Variants in FBXL13 observed in about 807,000 individuals in gnomAD.
The protein encoded by FBXL13 is F-box and leucine-rich repeat protein 13.
A neutral mutation model predicts 83.6 loss-of-function variants in FBXL13; 67 were observed. That is an observed-to-expected ratio of 0.80 (90% CI 0.66 to 0.98). The LOEUF (loss-of-function observed/expected upper bound fraction) is 0.98. Ranked by LOEUF, FBXL13 falls within the 50% of genes least tolerant of loss-of-function variation. The pLI, the probability that FBXL13 is intolerant of heterozygous loss-of-function variation, is 0.00. For missense variants in FBXL13, 822 were observed against 866.5 expected (o/e 0.95, Z 0.64); for synonymous variants, 272 against 299.5 (o/e 0.91, Z 0.95).
rs142816568 is a variant in FBXL13 at position 103,013,113 on chromosome 7, C to T, written c.495+11950G>A. ...GACCTATCTATCATAAATATCTATG[C>T]GCTCAACCCAGATTCATAAAGTCAG... On this transcript the variant is annotated intron_variant, in intron 6 of 19. Coordinates refer to ENST00000313221, the Ensembl canonical transcript of FBXL13. Among the ~76,000 whole-genome samples, 715 of 152,208 alleles carry T rather than the reference C, an allele frequency of 4.7e-3. 7 individuals are homozygous for T. The highest frequency in any genetic ancestry group is 0.016 in the African/African-American group (678 of 41,542).
At chr7:102,951,636 C>T (rs1019032740) in intron 8 of FBXL13, among the ~76,000 whole-genome samples, 8 of 151,128 alleles carry the variant, frequency 5.3e-5, no homozygotes, top group Non-Finnish European at 1.0e-4. Context: ...AGTCAGAGCC[C>T]GTCTCTACAA....
At chr7:102,974,595 T>A (rs73408279) in intron 6 of FBXL13, among the ~76,000 whole-genome samples, 34 of 152,258 alleles carry the variant, frequency 2.2e-4, no homozygotes, top group African/African-American at 8.2e-4. Context: ...ACTCCTTATG[T>A]CCAGCCCTGT....
At chr7:102,994,096 T>C (rs1312102911) in intron 6 of FBXL13, among the ~76,000 whole-genome samples, 1 of 152,216 alleles carries the variant, frequency 6.6e-6, no homozygotes, top group Non-Finnish European at 1.5e-5. Flanking sequence ...GCAAATCTAT[T>C]ATACATTAAT....
intron 10 of FBXL13, among the ~76,000 whole-genome samples, chr7:102,924,635 GCTTTT>G (rs1303983872): frequency 7.2e-6 from 1 of 138,978 alleles, no homozygotes; most frequent in Non-Finnish European, 1.6e-5. Context: ...TTCTGTGTAA[GCTTTT>G]CTTTTTTTTT....
intron 6 of FBXL13, among the ~76,000 whole-genome samples, chr7:102,984,370 C>G (rs1828680968): frequency 6.6e-6 from 1 of 152,166 alleles, no homozygotes; most frequent in South Asian, 2.1e-4. Flanking sequence ...ATCTACCTAT[C>G]TATCCATCCA....
At chr7:103,063,521 C>T (rs1394303389) in intron 1 of FBXL13, among the ~76,000 whole-genome samples, 5 of 152,152 alleles carry the variant, frequency 3.3e-5, no homozygotes, top group African/African-American at 1.2e-4. Context: ...ACTGATCTGC[C>T]TGAGGACACA....
chr7:102,832,251 T>C (rs1400023267), intron 18 of FBXL13, among the ~76,000 whole-genome samples: 1 of 152,200 alleles, frequency 6.6e-6, no homozygotes, highest in Non-Finnish European at 1.5e-5. Context: ...CAAAAGATGA[T>C]GGTATGTCCT....
intron 11 of FBXL13, among the ~76,000 whole-genome samples, chr7:102,909,084 C>T (rs1345570916): frequency 1.3e-5 from 2 of 152,210 alleles, no homozygotes; most frequent in Non-Finnish European, 2.9e-5. Context: ...TTCTATTGCA[C>T]TGCGGCTGAG....
intron 8 of FBXL13, among the ~76,000 whole-genome samples, chr7:102,936,851 C>G (rs917299453): frequency 5.9e-5 from 9 of 152,200 alleles, no homozygotes; most frequent in African/African-American, 2.2e-4. Context: ...GGAAATGTCT[C>G]TTTTTCACTG....
intron 2 of FBXL13, among the ~76,000 whole-genome samples, chr7:103,039,893 C>T (rs991188811): frequency 2.0e-5 from 3 of 151,916 alleles, no homozygotes; most frequent in East Asian, 3.8e-4. Flanking sequence ...TAAAGACCAT[C>T]GATGCTATGA....
chr7:102,942,808 A>C (rs1312338898), intron 8 of FBXL13, among the ~76,000 whole-genome samples: 2 of 152,174 alleles, frequency 1.3e-5, no homozygotes, highest in Non-Finnish European at 2.9e-5. Context: ...GTATGACCAC[A>C]TATTTTCCTA....
chr7:102,902,755 C>T (rs1813126826), intron 11 of FBXL13, among the ~76,000 whole-genome samples: 1 of 152,062 alleles, frequency 6.6e-6, no homozygotes, highest in Admixed American at 6.6e-5. Flanking sequence ...AGATTTGTTT[C>T]TGGGTTCTCT....
chr7:102,856,369 C>T (rs916746606), intron 16 of FBXL13, among the ~76,000 whole-genome samples: 6 of 152,298 alleles, frequency 3.9e-5, no homozygotes, highest in African/African-American at 1.2e-4. Flanking sequence ...CAAAGTTTGT[C>T]TCTTTACCCT....
chr7:102,904,745 C>T (rs1228982702), intron 11 of FBXL13, among the ~76,000 whole-genome samples: 1 of 152,022 alleles, frequency 6.6e-6, no homozygotes, highest in Non-Finnish European at 1.5e-5. Flanking sequence ...GATGTAGGCA[C>T]TTATAGCTAT....
At chr7:102,895,730 A>G (rs1317423995) in intron 11 of FBXL13, among the ~76,000 whole-genome samples, 1 of 152,184 alleles carries the variant, frequency 6.6e-6, no homozygotes, top group African/African-American at 2.4e-5. Context: ...GATAAAGGGA[A>G]AGTAAAACCA....
At chr7:103,000,931 G>A (rs1790325643) in intron 6 of FBXL13, among the ~76,000 whole-genome samples, 2 of 151,712 alleles carry the variant, frequency 1.3e-5, no homozygotes, top group African/African-American at 2.4e-5. Context: ...TTCCAATTAC[G>A]TGAAATATTG....
chr7:102,960,477 C>G (rs1408009500), intron 8 of FBXL13, among the ~76,000 whole-genome samples: 2 of 151,926 alleles, frequency 1.3e-5, no homozygotes, highest in East Asian at 3.9e-4. Context: ...CTCCCTAACT[C>G]ATTTTATGAG....
chr7:102,966,274 C>T (rs1029158703), intron 7 of FBXL13, among the ~76,000 whole-genome samples: 4 of 152,182 alleles, frequency 2.6e-5, no homozygotes, highest in African/African-American at 9.7e-5. Context: ...TTACTGTTTA[C>T]TACCCTAAGA....
chr7:102,900,168 ATAGT>A, intron 11 of FBXL13, among the ~76,000 whole-genome samples: 1 of 152,350 alleles, frequency 6.6e-6, no homozygotes, highest in Middle Eastern at 3.4e-3. Flanking sequence ...TCTAAGAAAT[ATAGT>A]TAAACTTCTT....
Sources: gnomAD v4.1 joint callset for allele counts (sites outside exome capture counted in the v4.1 genomes callset) on GRCh38, gnomAD v4.1.1 for gene constraint, MANE v1.5 for transcripts, NCBI Gene and HGNC (gene_info 2026-07-23, HGNC 2026-07-21) for gene names.